LRRK2: variants seen among roughly 807,000 people sequenced by gnomAD.
LRRK2 encodes leucine-rich repeat serine/threonine-protein kinase 2.
In LRRK2, 203 loss-of-function variants were observed where a neutral mutation model predicts 302.6. The observed-to-expected ratio is 0.67, with a 90% CI of 0.60 to 0.75. The LOEUF (loss-of-function observed/expected upper bound fraction) is 0.75, where lower values mean the gene tolerates loss of function less well. Among genes scored for constraint, LRRK2 ranks in the 30% least tolerant of loss-of-function variants. The pLI is 0.00. For missense variants in LRRK2, 2,830 were observed against 2,951.0 expected (o/e 0.96, Z 0.95); for synonymous variants, 1,066 against 1,031.9 (o/e 1.03, Z -0.63).
chr12:40,234,787 ATC>A (rs1365545548), intron 3 of LRRK2, among the ~76,000 whole-genome samples: 1 of 152,080 alleles, frequency 6.6e-6, no homozygotes, highest in Admixed American at 6.6e-5. Context: ...TCTTTATTAT[ATC>A]TCTATATTTT....
chr12:40,293,717 T>C, intron 21 of LRRK2, 54 bp downstream of exon 21: 1 of 1,194,128 alleles, frequency 8.4e-7, no homozygotes, highest in Non-Finnish European at 1.2e-6. Context: ...TGACATTCTC[T>C]TGATAACTAA....
intron 23 of LRRK2, among the ~76,000 whole-genome samples, chr12:40,297,429 T>C (rs1162812621): frequency 6.6e-6 from 1 of 152,202 alleles, no homozygotes; most frequent in Non-Finnish European, 1.5e-5. Flanking sequence ...TATAGGAACA[T>C]TTCCTGATTA....
chr12:40,311,000 G>A (rs1362495223), intron 31 of LRRK2, among the ~76,000 whole-genome samples: 2 of 152,092 alleles, frequency 1.3e-5, no homozygotes, highest in Non-Finnish European at 2.9e-5. Flanking sequence ...GGTGAATACT[G>A]AGGTCTTGGG....
At chr12:40,259,789 A>G (rs898730866) in intron 13 of LRRK2, among the ~76,000 whole-genome samples, 185 bp downstream of exon 13, 1 of 152,214 alleles carries the variant, frequency 6.6e-6, no homozygotes, top group Admixed American at 6.5e-5. Flanking sequence ...AATTTTTATA[A>G]GAAAGCAATA....
intron 25 of LRRK2, among the ~76,000 whole-genome samples, chr12:40,302,375 A>C (rs1944664118): frequency 6.6e-6 from 1 of 152,050 alleles, no homozygotes; most frequent in Non-Finnish European, 1.5e-5. Context: ...TACCATAAAG[A>C]ATTTTTGTCC....
intron 11 of LRRK2, among the ~76,000 whole-genome samples, chr12:40,255,285 G>A (rs1024494454): frequency 6.6e-6 from 1 of 152,192 alleles, no homozygotes; most frequent in African/African-American, 2.4e-5. Flanking sequence ...CAGAGGAGAT[G>A]AAGTTGTGAA....
intron 22 of LRRK2, 25 bp downstream of exon 22, chr12:40,294,939 G>A: frequency 7.3e-7 from 1 of 1,362,228 alleles, no homozygotes; most frequent in East Asian, 2.3e-5. Flanking sequence ...GTAATCATAA[G>A]TAAATAGATA....
At chr12:40,359,117 G>C in intron 46 of LRRK2, 143 bp from the exon 47 acceptor site, 5 of 708,370 alleles carry the variant, frequency 7.1e-6, no homozygotes, top group Non-Finnish European at 1.1e-5. Context: ...TTTTTTAATG[G>C]AATCTTTAGG....
intron 43 of LRRK2, among the ~76,000 whole-genome samples, chr12:40,350,277 C>T (rs1346299344): frequency 6.6e-6 from 1 of 152,288 alleles, no homozygotes; most frequent in Middle Eastern, 3.4e-3. Context: ...CAAGAGTATA[C>T]ATTTATATTA....
At chr12:40,249,031 T>A (rs1232248934) in intron 7 of LRRK2, among the ~76,000 whole-genome samples, 1 of 152,148 alleles carries the variant, frequency 6.6e-6, no homozygotes, top group Non-Finnish European at 1.5e-5. Context: ...GGGCTTTAGG[T>A]TTTTTATGAT....
chr12:40,299,433 A>G (rs1944537173), intron 25 of LRRK2, among the ~76,000 whole-genome samples, 176 bp downstream of exon 25: 1 of 152,174 alleles, frequency 6.6e-6, no homozygotes, highest in African/African-American at 2.4e-5. Flanking sequence ...AAAACTATGA[A>G]AAGACATGAA....
At chr12:40,333,671 T>C (rs999847384) in intron 39 of LRRK2, among the ~76,000 whole-genome samples, 1 of 150,160 alleles carries the variant, frequency 6.7e-6, no homozygotes, top group Admixed American at 6.6e-5. Context: ...CAAAATGATA[T>C]CTCGGACTTT....
chr12:40,347,287 A>G (rs1946215384), intron 42 of LRRK2, among the ~76,000 whole-genome samples: 1 of 152,222 alleles, frequency 6.6e-6, no homozygotes, highest in African/African-American at 2.4e-5. Flanking sequence ...ACATGCAGGA[A>G]TGGAAGACTG....
At position 40,363,394 on chromosome 12, in the gene LRRK2, C is replaced by A; in HGVS notation, c.7029-8C>A. The A allele has an allele frequency of 6.3e-7, 1 of 1,596,804 alleles. No individual in the cohort carries two copies. Among genetic ancestry groups the A allele is most frequent in the Non-Finnish European group, 8.5e-7 (1 of 1,171,534 alleles). ...TAGTGATGACTTTCTATTTTTTTTT[C>A]TCTGTAGGTTTTCTTATGCAGCTTT... On this transcript the variant is annotated splice_polypyrimidine_tract_variant and splice_region_variant and intron_variant, in intron 47 of 50. Coordinates refer to ENST00000298910, the MANE Select transcript of LRRK2 (RefSeq NM_198578.4).
In LRRK2 at chr12:40,287,345, T is replaced by A; in HGVS notation, c.2501-6T>A. ...TCTAAGTTGCTGGTGTATCTCTTAT[T>A]TTCAGATATAGCATCTACACTAGCA... On this transcript the variant is annotated splice_polypyrimidine_tract_variant and splice_region_variant and intron_variant, in intron 19 of 50. Coordinates refer to ENST00000298910, the MANE Select transcript of LRRK2 (RefSeq NM_198578.4). 6.2e-7 allele frequency: 1 copy of A among 1,611,000 alleles called. No individual in the cohort carries two copies. The highest frequency in any genetic ancestry group is 8.5e-7 in the Non-Finnish European group (1 of 1,178,064).
At chr12:40,305,233 T>C (rs1944776289) in intron 27 of LRRK2, among the ~76,000 whole-genome samples, 2 of 152,176 alleles carry the variant, frequency 1.3e-5, no homozygotes, top group Admixed American at 1.3e-4. Context: ...AAACTGTGCA[T>C]ATATTTTGCT....
intron 46 of LRRK2, among the ~76,000 whole-genome samples, chr12:40,358,578 A>G (rs1946612481): frequency 2.0e-5 from 3 of 152,170 alleles, no homozygotes; most frequent in South Asian, 2.1e-4. Context: ...ACATTGGTCT[A>G]CCTACCTGTG....
chr12:40,230,347 C>G (rs1941118786), intron 2 of LRRK2, among the ~76,000 whole-genome samples: 1 of 152,028 alleles, frequency 6.6e-6, no homozygotes, highest in Non-Finnish European at 1.5e-5. Flanking sequence ...TGCCATTATT[C>G]CTTATTGGGT....
intron 43 of LRRK2, among the ~76,000 whole-genome samples, chr12:40,349,944 G>T (rs1255311088): frequency 6.6e-6 from 1 of 152,224 alleles, no homozygotes; most frequent in Admixed American, 6.5e-5. Context: ...TGCTTTAAAT[G>T]CAGTTCATGG....
Sources: gnomAD v4.1 joint callset for allele counts (sites outside exome capture counted in the v4.1 genomes callset) on GRCh38, gnomAD v4.1.1 for gene constraint, MANE v1.5 for transcripts, NCBI Gene and HGNC (gene_info 2026-07-23, HGNC 2026-07-21) for gene names.